The following PDSS2 variants were observed in gnomAD, a reference collection of about 807,000 sequenced individuals.
The protein encoded by PDSS2 is all trans-polyprenyl-diphosphate synthase PDSS2.
Under a neutral mutation model 44.5 loss-of-function variants are expected in PDSS2, and 31 were observed. The observed-to-expected ratio is 0.70, with a 90% CI of 0.52 to 0.94. The LOEUF is 0.94. PDSS2 is among the 40% of genes least tolerant of loss of function. The pLI is 0.00. For synonymous variants in PDSS2, 157 were observed against 180.3 expected (o/e 0.87, Z 1.03); for missense variants, 452 against 482.2 (o/e 0.94, Z 0.59).
chr6:107,372,221 TTTTC>T (rs1299487134), intron 1 of PDSS2, among the ~76,000 whole-genome samples: 4 of 152,142 alleles, frequency 2.6e-5, no homozygotes, highest in Admixed American at 2.0e-4. Context: ...CAGGTACCAG[TTTTC>T]TTTATTTTTT....
chr6:107,350,275 A>G (rs1281619003), intron 1 of PDSS2, among the ~76,000 whole-genome samples: 2 of 152,242 alleles, frequency 1.3e-5, no homozygotes, highest in Non-Finnish European at 2.9e-5. Context: ...GTGAAGAGGT[A>G]CTTTGAAACT....
intron 4 of PDSS2, among the ~76,000 whole-genome samples, chr6:107,225,153 ATATATATATTTTTTTT>A (rs1425411863): frequency 0.044 from 2,403 of 54,440 alleles, 27 homozygotes; most frequent in South Asian, 0.069. Context: ...ATATATATAT[ATATATATATTTTTTTT>A]TTTTTTTTTT....
intron 7 of PDSS2, among the ~76,000 whole-genome samples, chr6:107,157,647 A>G (rs903394988): frequency 4.0e-5 from 6 of 150,710 alleles, no homozygotes; most frequent in Admixed American, 2.6e-4. Context: ...CCCTGTGCAC[A>G]TCTGGAGTAG....
At chr6:107,268,973 C>T (rs1224756078) in intron 3 of PDSS2, among the ~76,000 whole-genome samples, 5 of 148,564 alleles carry the variant, frequency 3.4e-5, no homozygotes, top group Non-Finnish European at 5.9e-5. Context: ...GAGTTTCGCT[C>T]TTGTTGCCCA....
intron 4 of PDSS2, among the ~76,000 whole-genome samples, chr6:107,215,274 C>T (rs778344177): frequency 6.6e-5 from 10 of 152,068 alleles, no homozygotes; most frequent in Non-Finnish European, 1.0e-4. Flanking sequence ...CACCTGTAAT[C>T]GTAGCAACTC....
chr6:107,271,897 A>G (rs1425118829), intron 3 of PDSS2, among the ~76,000 whole-genome samples: 1 of 149,698 alleles, frequency 6.7e-6, no homozygotes, highest in African/African-American at 2.5e-5. Context: ...GCCCGTCTCT[A>G]AAAAAAAATA....
intron 1 of PDSS2, among the ~76,000 whole-genome samples, chr6:107,446,455 T>A (rs1231055213): frequency 6.6e-6 from 1 of 152,238 alleles, no homozygotes; most frequent in Non-Finnish European, 1.5e-5. Context: ...TATTGATAGA[T>A]TGTTAACTAC....
chr6:107,335,586 T>A (rs1441327161), intron 1 of PDSS2, among the ~76,000 whole-genome samples: 1 of 152,216 alleles, frequency 6.6e-6, no homozygotes, highest in Non-Finnish European at 1.5e-5. Flanking sequence ...ATGTGGCATA[T>A]CTTTTGACAT....
intron 7 of PDSS2, among the ~76,000 whole-genome samples, chr6:107,156,315 C>T (rs1554245638): frequency 6.6e-6 from 1 of 151,886 alleles, no homozygotes; most frequent in African/African-American, 2.4e-5. Context: ...CTGCCTCAGC[C>T]TCCCGAGTAG....
chr6:107,406,398 A>C (rs2114625700), intron 1 of PDSS2, among the ~76,000 whole-genome samples: 1 of 152,352 alleles, frequency 6.6e-6, no homozygotes, highest in East Asian at 1.9e-4. Context: ...GAATTAAGTT[A>C]ACTGTTTCCA....
chr6:107,243,830 G>A (rs1307886517), intron 4 of PDSS2, among the ~76,000 whole-genome samples: 1 of 152,120 alleles, frequency 6.6e-6, no homozygotes, highest in Non-Finnish European at 1.5e-5. Context: ...ACTGTGGTCT[G>A]CCATGCCCCC....
intron 1 of PDSS2, among the ~76,000 whole-genome samples, chr6:107,446,429 A>G (rs377428933): frequency 8.5e-5 from 13 of 152,350 alleles, no homozygotes; most frequent in African/African-American, 3.1e-4. Context: ...ATAGAACACT[A>G]AAACCAAAAA....
intron 4 of PDSS2, among the ~76,000 whole-genome samples, chr6:107,242,737 G>T (rs1774485481): frequency 6.6e-6 from 1 of 152,002 alleles, no homozygotes; most frequent in Non-Finnish European, 1.5e-5. Flanking sequence ...TTCCCATGTT[G>T]TCCAGGCTGG....
intron 2 of PDSS2, among the ~76,000 whole-genome samples, chr6:107,291,556 G>GGT (rs1300713117): frequency 4.0e-5 from 6 of 149,606 alleles, no homozygotes; most frequent in Non-Finnish European, 8.9e-5. Flanking sequence ...AGAGACGGGG[G>GGT]GGTCTCACTA....
At chr6:107,365,717 G>A (rs1478133450) in intron 1 of PDSS2, among the ~76,000 whole-genome samples, 1 of 152,012 alleles carries the variant, frequency 6.6e-6, no homozygotes, top group African/African-American at 2.4e-5. Flanking sequence ...CAATAGAGCT[G>A]GAATGGCTAT....
At chr6:107,212,731 C>G (rs1306554513) in intron 4 of PDSS2, among the ~76,000 whole-genome samples, 1 of 151,320 alleles carries the variant, frequency 6.6e-6, no homozygotes, top group African/African-American at 2.4e-5. Flanking sequence ...TAAGGCTGGG[C>G]ATGGTGGCTC....
At chr6:107,421,446 T>C (rs181478594) in intron 1 of PDSS2, among the ~76,000 whole-genome samples, 22 of 152,250 alleles carry the variant, frequency 1.4e-4, no homozygotes, top group African/African-American at 3.4e-4. Flanking sequence ...CAAATGTTTA[T>C]GGTAAATGGA....
At chr6:107,313,205 G>A (rs959622921) in intron 2 of PDSS2, among the ~76,000 whole-genome samples, 2 of 152,054 alleles carry the variant, frequency 1.3e-5, no homozygotes, top group African/African-American at 4.8e-5. Flanking sequence ...ATAATGAATT[G>A]TAGCATATAA....
At chr6:107,207,235 G>T (rs1460019371) in intron 6 of PDSS2, among the ~76,000 whole-genome samples, 1 of 151,914 alleles carries the variant, frequency 6.6e-6, no homozygotes, top group African/African-American at 2.4e-5. Flanking sequence ...CTCGTGATCC[G>T]CCTGCCTCGG....
Sources: allele counts gnomAD v4.1 joint callset (sites outside exome capture counted in the v4.1 genomes callset), GRCh38; gene constraint gnomAD v4.1.1; transcripts MANE v1.5; gene names NCBI Gene and HGNC (gene_info 2026-07-23, HGNC 2026-07-21).